TPRA1: variants seen among roughly 807,000 people sequenced by gnomAD.
TPRA1 encodes transmembrane protein adipocyte associated 1.
Under a neutral mutation model 40.1 loss-of-function variants are expected in TPRA1, and 28 were observed. The ratio of observed to expected loss-of-function variants is 0.70; its 90% CI spans 0.52 to 0.96. The LOEUF is 0.96. Among genes scored for constraint, TPRA1 ranks in the 40% least tolerant of loss-of-function variants. The probability of loss-of-function intolerance (pLI) is 0.00; values close to 1 mark genes in which losing one functional copy is unlikely to be tolerated. For synonymous variants in TPRA1, 219 were observed against 209.7 expected (o/e 1.04, Z -0.38); for missense variants, 441 against 482.6 (o/e 0.91, Z 0.81).
upstream of TPRA1, chr3:127,590,935 AAG>A (rs1491241746): frequency 6.6e-6 from 1 of 152,262 alleles, no homozygotes; most frequent in African/African-American, 2.4e-5. Flanking sequence ...TGCTTCACGG[AAG>A]AGAGAGGCCT....
At chr3:127,591,826 GCTGA>G (rs2074175364), upstream of TPRA1, 1 of 152,326 alleles carries the variant, frequency 6.6e-6, no homozygotes, top group South Asian at 2.1e-4. Flanking sequence ...GCATCCTGAG[GCTGA>G]CTCAGAGCCT....
rs142716515 is a variant in TPRA1, at chr3:127,577,062, C to T, written c.273G>A (p.Ala91=). 179 of 1,613,312 alleles carry T rather than the reference C, an allele frequency of 1.1e-4. No individual in the cohort carries two copies. Among genetic ancestry groups the T allele is most frequent in the Non-Finnish European group, 1.3e-4 (159 of 1,180,020 alleles). The change falls in exon 4 of 11, where the codon GCG becomes GCA. Residue 91 remains alanine (A), a synonymous_variant. Coordinates refer to ENST00000355552, the MANE Select transcript of TPRA1 (RefSeq NM_001136053.4). The part of the protein sequence containing the change: ...ITFYILVFVV[A]LVGIARAVVS... Reference sequence around the variant, plus strand: ...CCACGGCCCGGGCAATGCCCACCAGCGCCACCACAAACACCTGGTGGGCAA... The same window carrying T: ...CCACGGCCCGGGCAATGCCCACCAGTGCCACCACAAACACCTGGTGGGCAA...
At chr3:127,581,240 G>A (rs1260225656) in intron 1 of TPRA1, among the ~76,000 whole-genome samples, 2 of 152,214 alleles carry the variant, frequency 1.3e-5, no homozygotes, top group Non-Finnish European at 2.9e-5. Context: ...GCTTCACCAG[G>A]AATGCTTGTA....
At position 127,573,301 on chromosome 3, in the gene TPRA1, G is replaced by A. The variant is rs2073433573; in HGVS notation, c.*220C>T. On this transcript the variant is annotated 3_prime_UTR_variant, in exon 11 of 11. Coordinates refer to ENST00000355552, the MANE Select transcript of TPRA1 (RefSeq NM_001136053.4). ...CCTGGGCCATGTCACTGAGCAGTAT[G>A]AGAGCAGGTGGGAAGGGGAGGAGGG... is the stretch of plus-strand genomic sequence containing the variant. 2.5e-5 allele frequency: 14 copies of A among 568,934 alleles called. No homozygotes were observed. The South Asian group carries it at 3.9e-4, about 16-fold the overall frequency. The allele number at this position is 568,934 out of a possible 1,614,324, so 35.2% of individuals were successfully genotyped here. A position where few individuals can be genotyped will look rare whatever the true frequency, so the allele number is the denominator to read the frequency against.
chr3:127,575,843 G>A (rs1324978266), intron 7 of TPRA1, 34 bp from the exon 8 acceptor site: 7 of 1,612,962 alleles, frequency 4.3e-6, no homozygotes, highest in Non-Finnish European at 5.9e-6. Context: ...AAGGTGCTGG[G>A]GGCGCCAGCC....
At chr3:127,587,842 AG>A (rs1308487016) in intron 1 of TPRA1, among the ~76,000 whole-genome samples, 1 of 151,994 alleles carries the variant, frequency 6.6e-6, no homozygotes, top group East Asian at 1.9e-4. Flanking sequence ...AAGGGCAAGG[AG>A]GGAAAGGAAT....
At chr3:127,573,852 C>T in intron 10 of TPRA1, 64 bp from the exon 11 acceptor site, 1 of 1,504,080 alleles carries the variant, frequency 6.6e-7, no homozygotes, top group Admixed American at 2.3e-5. Context: ...CCTTCCTCTC[C>T]AGGCTGATGG....
Position 127,573,715 on chromosome 3 carries a change from G to T in TPRA1, c.928C>A (p.Gln310Lys). ...ETEEPDVHLPQPYAVARREGL... is the reference protein window; with the variant it reads ...ETEEPDVHLPKPYAVARREGL... ...TCCCGCCGGGCCACAGCGTAGGGCT[G>T]GGGTAGGTGTACATCTGGCTCCTCT... is the stretch of plus-strand genomic sequence containing the variant. The change falls in exon 11 of 11, where the codon CAG (glutamine) becomes AAG (lysine). Residue 310 changes from glutamine (Q) to lysine (K), a missense_variant. Gln to Lys is a moderately conservative substitution (Grantham distance 53). Transcript: ENST00000355552. 8.1e-6 allele frequency: 13 copies of T among 1,612,128 alleles called. No individual in the cohort carries two copies. Among genetic ancestry groups the T allele is most frequent in the Non-Finnish European group, 1.1e-5 (13 of 1,178,678 alleles).
intron 1 of TPRA1, among the ~76,000 whole-genome samples, chr3:127,590,157 C>A (rs976560369): frequency 6.6e-6 from 1 of 152,162 alleles, no homozygotes; most frequent in Non-Finnish European, 1.5e-5. Flanking sequence ...GACGCCGCTA[C>A]GTGCGGCTCC....
intron 3 of TPRA1, among the ~76,000 whole-genome samples, chr3:127,577,771 G>A (rs1043284911): frequency 2.6e-5 from 4 of 152,156 alleles, no homozygotes; most frequent in African/African-American, 7.2e-5. Flanking sequence ...TGAGTCCACC[G>A]CTCCTGGCTT....
chr3:127,579,942 T>C lies in TPRA1; in HGVS notation c.126-70A>G, dbSNP rs1024519969. 2.5e-6 allele frequency: 4 copies of C among 1,608,530 alleles called. No homozygotes were observed. The African/African-American group carries it at 5.3e-5, about 21-fold the overall frequency. On this transcript the variant is annotated intron_variant, in intron 2 of 10. Coordinates refer to ENST00000355552, the MANE Select transcript of TPRA1 (RefSeq NM_001136053.4). ...TGCACCCCCTCTCCAAGACACAATC[T>C]GCCCCACCCTCACCACCCCCCTACA...
At position 127,573,773 on chromosome 3, in the gene TPRA1, G is replaced by A; in HGVS notation, c.870C>T (p.Ile290=). Reference sequence around the variant, plus strand: ...CCACTTGGCATTTGTAGGAGAAGAGGATCTTGGGCTCCGAGCTGATAAAAG... The same window carrying A: ...CCACTTGGCATTTGTAGGAGAAGAGAATCTTGGGCTCCGAGCTGATAAAAG... ...LRGFFGSEPK[I]LFSYKCQVDE... is the part of the protein sequence containing the mutation. Residue 290 remains isoleucine (I), a synonymous_variant, in exon 11 of 11, where the codon ATC becomes ATT. Coordinates refer to ENST00000355552, the MANE Select transcript of TPRA1 (RefSeq NM_001136053.4). 2 of 1,577,092 alleles carry A rather than the reference G, an allele frequency of 1.3e-6. No homozygotes were observed. Among genetic ancestry groups the A allele is most frequent in the South Asian group, 1.1e-5 (1 of 88,354 alleles).
chr3:127,587,187 G>A (rs1343854474), intron 1 of TPRA1: 1 of 152,166 alleles, frequency 6.6e-6, no homozygotes. Flanking sequence ...GATTCTCATT[G>A]ACAATTGAGG....
At chr3:127,575,836 G>A (rs761327316) in intron 7 of TPRA1, 27 bp from the exon 8 acceptor site, 24 of 1,613,426 alleles carry the variant, frequency 1.5e-5, no homozygotes, top group African/African-American at 2.7e-5. Flanking sequence ...GGCTGAGAAG[G>A]TGCTGGGGGC....
At position 127,571,565 on chromosome 3, in the gene TPRA1, G is replaced by A. The variant is rs911547894; in HGVS notation, c.*1956C>T. 5 of 152,208 alleles carry A rather than the reference G, an allele frequency of 3.3e-5. No homozygotes were observed. The highest frequency in any genetic ancestry group is 1.2e-4 in the African/African-American group (5 of 41,454). The allele number at this position is 152,208 out of a possible 1,614,324, so 9.4% of individuals were successfully genotyped here. A position where few individuals can be genotyped will look rare whatever the true frequency, so the allele number is the denominator to read the frequency against. On this transcript the variant is annotated 3_prime_UTR_variant, in exon 11 of 11. Transcript: ENST00000355552. ...TATATGTAGCTGCAGGGGTGAAGCA[G>A]TCCTCCACTTGACATGGAATGATCT...
Position 127,576,818 on chromosome 3 carries a change from C to T in TPRA1, c.418+3G>A, listed in dbSNP as rs2073649181. 6.2e-7 allele frequency: 1 copy of T among 1,613,850 alleles called. No individual in the cohort carries two copies. Among genetic ancestry groups the T allele is most frequent in the Non-Finnish European group, 8.5e-7 (1 of 1,180,022 alleles). ...GGGCCCAAGAGCCCAGCGGTACACA[C>T]ACCAAAGGCCAGGCCCAGGATGATC... On this transcript the variant is annotated splice_donor_region_variant and intron_variant, in intron 5 of 10. Transcript: ENST00000355552. This position sits in a 1 kb window ranked among gnomAD's most constrained non-coding sequence, Gnocchi z 4.6.
chr3:127,592,367 G>GTTTTTTTTTTT (rs746017013), upstream of TPRA1, among the ~76,000 whole-genome samples: 1 of 88,508 alleles, frequency 1.1e-5, no homozygotes, highest in African/African-American at 4.3e-5. Context: ...GCAACATGCT[G>GTTTTTTTTTTT]TTTTTTTTTT....
At position 127,573,560 on chromosome 3, in the gene TPRA1, G is replaced by C; in HGVS notation, c.1083C>G (p.Asn361Lys). Residue 361 changes from asparagine to lysine, a missense_variant, in exon 11 of 11, where the codon AAC becomes AAG. Physicochemically the swap from Asn to Lys is moderately conservative, Grantham distance 94 (BLOSUM62 0). Transcript: ENST00000355552. The stretch of plus-strand genomic sequence containing the variant: ...CCTTCCAGCGCTCGCTGTCTGTGCT[G>C]TTGATGCTGCCAGTGTGGCAGGGCA... ...ASMPCHTGSI[N>K]STDSERWKAI... The C allele has an allele frequency of 6.2e-7, 1 of 1,613,220 alleles. No homozygotes were observed. Among genetic ancestry groups the C allele is most frequent in the Non-Finnish European group, 8.5e-7 (1 of 1,179,998 alleles).
chr3:127,598,148 C>G (rs1178794155), exon 1 of TPRA1: 1 of 472,218 alleles, frequency 2.1e-6, no homozygotes, highest in African/African-American at 2.1e-5. Context: ...TGACCGAGGT[C>G]ACGCAGCCAG....
Sources: gnomAD v4.1 joint callset for allele counts (sites outside exome capture counted in the v4.1 genomes callset) on GRCh38, gnomAD v4.1.1 for gene constraint, Gnocchi (gnomAD v3.1) non-coding constraint, MANE v1.5 for transcripts, NCBI Gene and HGNC (gene_info 2026-07-23, HGNC 2026-07-21) for gene names.